The following PPP6R1 variants were observed in gnomAD, a reference collection of about 807,000 sequenced individuals.
The protein encoded by PPP6R1 is serine/threonine-protein phosphatase 6 regulatory subunit 1.
A neutral mutation model predicts 104.6 loss-of-function variants in PPP6R1; 39 were observed. The observed-to-expected ratio is 0.37, with a 90% CI of 0.29 to 0.49. The LOEUF (loss-of-function observed/expected upper bound fraction) is 0.49. PPP6R1 is among the 20% of genes least tolerant of loss of function. PPP6R1 has a pLI of 0.98. For missense variants in PPP6R1, 1,181 were observed against 1,155.8 expected (o/e 1.02, Z -0.32); for synonymous variants, 549 against 479.0 (o/e 1.15, Z -1.91).
At chr19:55,242,747 C>T in intron 5 of PPP6R1, 1 of 481,424 alleles carries the variant, frequency 2.1e-6, no homozygotes, top group Non-Finnish European at 3.8e-6. Flanking sequence ...GGGCTGGCAG[C>T]ACCGCCCACA....
intron 15 of PPP6R1, among the ~76,000 whole-genome samples, chr19:55,237,468 C>A (rs1236940185): frequency 1.3e-5 from 2 of 152,190 alleles, no homozygotes; most frequent in Non-Finnish European, 2.9e-5. Flanking sequence ...AGAATCACGT[C>A]AAAACTTAAA....
chr19:55,231,203 G>A (rs938233525), intron 21 of PPP6R1, among the ~76,000 whole-genome samples: 5 of 152,064 alleles, frequency 3.3e-5, no homozygotes, highest in Admixed American at 2.0e-4. Flanking sequence ...CCCAACCCTG[G>A]GGCTCAAGGG....
At chr19:55,235,103 T>C (rs2122550783) in intron 17 of PPP6R1, among the ~76,000 whole-genome samples, 1 of 152,204 alleles carries the variant, frequency 6.6e-6, no homozygotes, top group Non-Finnish European at 1.5e-5. Flanking sequence ...TCAAAAGTCA[T>C]GAGTCAAAAA....
intron 17 of PPP6R1, chr19:55,236,363 C>A: frequency 2.4e-6 from 1 of 412,874 alleles, no homozygotes; most frequent in Non-Finnish European, 4.3e-6. Flanking sequence ...CTATGTTGCC[C>A]AGGGCTGGTC....
chr19:55,252,161 C>T (rs915889099), intron 1 of PPP6R1, among the ~76,000 whole-genome samples: 14 of 152,218 alleles, frequency 9.2e-5, no homozygotes, highest in African/African-American at 3.4e-4. Context: ...AAAAAAGTTC[C>T]AAAATCAATT....
chr19:55,248,426 T>G (rs2087527993), intron 1 of PPP6R1, among the ~76,000 whole-genome samples: 1 of 152,228 alleles, frequency 6.6e-6, no homozygotes, highest in African/African-American at 2.4e-5. Context: ...ACCTGCCTCC[T>G]GACAACCGCA....
chr19:55,242,353 C>T (rs2087466529), intron 6 of PPP6R1, 23 bp downstream of exon 6: 2 of 1,612,520 alleles, frequency 1.2e-6, no homozygotes, highest in Admixed American at 3.3e-5. Flanking sequence ...TCCCCCCAGC[C>T]TTAGCCTTGC....
chr19:55,237,520 A>G lies in PPP6R1; in HGVS notation c.1752-550T>C, dbSNP rs541716618. Among the ~76,000 whole-genome samples the G allele has an allele frequency of 2.4e-4, 36 of 152,344 alleles. No homozygotes were observed. The South Asian group carries it at 4.6e-3, about 19-fold the overall frequency. On this transcript the variant is annotated intron_variant, in intron 15 of 23. Transcript: ENST00000412770. ...CCCACCTCCCTCACCACGAGGGTCT[A>G]ATGATCAGGGTCCACATTCTGTCCC... is the stretch of plus-strand genomic sequence containing the variant.
rs200837758 is a variant in PPP6R1 at position 55,230,486 on chromosome 19, C to T, written c.*42G>A. 211 of 1,612,134 alleles carry T rather than the reference C, an allele frequency of 1.3e-4. 3 individuals carry two copies. The East Asian group carries it at 2.0e-3, about 15-fold the overall frequency. On this transcript the variant is annotated 3_prime_UTR_variant, in exon 24 of 24. Transcript: ENST00000412770. ...CCCTGCCCCCACCCCGGGAGATCCA[C>T]GGGAGGACGGAAGATTTGGCCGCCG...
Position 55,230,603 on chromosome 19 carries a change from C to G in PPP6R1, c.2642+10G>C. The G allele has an allele frequency of 1.2e-6, 2 of 1,612,656 alleles. No individual in the cohort carries two copies. Among genetic ancestry groups the G allele is most frequent in the Non-Finnish European group, 8.5e-7 (1 of 1,179,314 alleles). ...CCACCTACCCAGCCCGAGGCTGCAG[C>G]CACACTCACTGGGAGCCTGGGGATG... is the stretch of plus-strand genomic sequence containing the variant. On this transcript the variant is annotated intron_variant, in intron 23 of 23. Coordinates refer to ENST00000412770, the MANE Select transcript of PPP6R1 (RefSeq NM_014931.4).
In PPP6R1 at chr19:55,230,829, G is replaced by T. The variant is rs762645397; in HGVS notation, c.2515C>A (p.Gln839Lys). The T allele has an allele frequency of 8.7e-6, 14 of 1,604,088 alleles. No homozygotes were observed. The highest frequency in any genetic ancestry group is 2.7e-5 in the African/African-American group (2 of 74,534). Reference sequence around the variant, plus strand: ...GGGCTCTTCTCCCCTTCTGTGGTCTGGGGGGGCTGGTGGGCCCCGGAGGCT... The same window carrying T: ...GGGCTCTTCTCCCCTTCTGTGGTCTTGGGGGGCTGGTGGGCCCCGGAGGCT... ...VPASGAHQPP[Q>K]TTEGEKSPEP... The change falls in exon 22 of 24, where the codon CAG becomes AAG. Residue 839 changes from glutamine to lysine, a missense_variant. Physicochemically the swap from Gln to Lys is moderately conservative, Grantham distance 53. Around this residue, in one of 2 missense-constraint regions of PPP6R1, gnomAD observed 1,042 missense variants for 955.6 expected, o/e 1.09. Coordinates refer to ENST00000412770, the MANE Select transcript of PPP6R1 (RefSeq NM_014931.4).
intron 1 of PPP6R1, among the ~76,000 whole-genome samples, chr19:55,247,843 C>G (rs147191265): frequency 6.6e-6 from 1 of 152,222 alleles, no homozygotes; most frequent in African/African-American, 2.4e-5. Context: ...AAGGGAGGGG[C>G]TCCCAGAATA....
In PPP6R1 at chr19:55,230,700, G is replaced by A. The variant is rs767888277; in HGVS notation, c.2571-16C>T. 3.2e-6 allele frequency: 5 copies of A among 1,567,278 alleles called. No homozygotes were observed. The highest frequency in any genetic ancestry group is 2.7e-5 in the African/African-American group (2 of 74,056). On this transcript the variant is annotated splice_polypyrimidine_tract_variant and intron_variant, in intron 22 of 23. Transcript: ENST00000412770. ...GGCCTGGGCACTGTCAGGGGAGAGA[G>A]GGGATGTGCAGAGGTCACTTCCTGC...
Position 55,240,098 on chromosome 19 carries a change from G to A in PPP6R1, c.1378C>T (p.Arg460Trp). ...NDRVQCAGGP[R>W]KGYMGHLTRV... Reference sequence around the variant, plus strand: ...GTCAGGTGACCCATGTAGCCTTTCCGAGGGCCTCCCGCACACCTGGCAAGA... The same window carrying A: ...GTCAGGTGACCCATGTAGCCTTTCCAAGGGCCTCCCGCACACCTGGCAAGA... The change falls in exon 12 of 24, where the codon CGG (arginine) becomes TGG (tryptophan). Residue 460 changes from arginine to tryptophan, a missense_variant. Around this residue, in one of 2 missense-constraint regions of PPP6R1, gnomAD observed 1,042 missense variants for 955.6 expected, o/e 1.09. Transcript: ENST00000412770. The A allele has an allele frequency of 3.8e-6, 6 of 1,589,162 alleles. No homozygotes were observed. Among genetic ancestry groups the A allele is most frequent in the African/African-American group, 1.3e-5 (1 of 74,438 alleles).
downstream of PPP6R1, chr19:55,228,335 C>T (rs200141976): frequency 9.0e-5 from 145 of 1,613,750 alleles, no homozygotes; most frequent in Non-Finnish European, 1.7e-6. Flanking sequence ...AGGCACTTGA[C>T]CAGGGCAGCG....
At chr19:55,231,540 T>G in intron 20 of PPP6R1, 49 bp from the exon 21 acceptor site, 1 of 1,598,310 alleles carries the variant, frequency 6.3e-7, no homozygotes, top group Non-Finnish European at 8.5e-7. Flanking sequence ...AGCTCGGAGC[T>G]GGCCAGGCTG....
Position 55,241,603 on chromosome 19 carries a change from A to G in PPP6R1, c.882T>C (p.Ser294=). 6.3e-7 allele frequency: 1 copy of G among 1,586,834 alleles called. No homozygotes were observed. The highest frequency in any genetic ancestry group is 8.6e-7 in the Non-Finnish European group (1 of 1,167,804). The part of the protein sequence containing the change: ...ESVTVNSFFS[S]VDGQLELLAQ... Reference sequence around the variant, plus strand: ...CCAGGAGCTCCAGCTGCCCATCCACACTGCTGAAGAAGCTGTTCACGGTCA... The same window carrying G: ...CCAGGAGCTCCAGCTGCCCATCCACGCTGCTGAAGAAGCTGTTCACGGTCA... Residue 294 remains serine (S), a synonymous_variant, in exon 8 of 24, where the codon AGT becomes AGC. Coordinates refer to ENST00000412770, the MANE Select transcript of PPP6R1 (RefSeq NM_014931.4). This position sits in a 1 kb window ranked among gnomAD's most constrained non-coding sequence, Gnocchi z 5.4.
chr19:55,239,591 C>T lies in PPP6R1; in HGVS notation c.1653+3G>A, dbSNP rs918469488. The T allele has an allele frequency of 6.2e-7, 1 of 1,610,806 alleles. No individual in the cohort carries two copies. Among genetic ancestry groups the T allele is most frequent in the Non-Finnish European group, 8.5e-7 (1 of 1,178,470 alleles). On this transcript the variant is annotated splice_donor_region_variant and intron_variant, in intron 14 of 23. Transcript: ENST00000412770. Reference sequence around the variant, plus strand: ...GCACAGCCCCACATAGCCCCACGCCCACCTGCTGCAGCACAGCCTCCTCAG... The same window carrying T: ...GCACAGCCCCACATAGCCCCACGCCTACCTGCTGCAGCACAGCCTCCTCAG...
At chr19:55,234,119 G>C (rs2087373658) in intron 17 of PPP6R1, among the ~76,000 whole-genome samples, 1 of 152,096 alleles carries the variant, frequency 6.6e-6, no homozygotes, top group African/African-American at 2.4e-5. Context: ...GCTAATTTTT[G>C]TATTTTTAGT....
Sources: allele counts gnomAD v4.1 joint callset (sites outside exome capture counted in the v4.1 genomes callset), GRCh38; gene constraint gnomAD v4.1.1; regional missense constraint gnomAD v4.1.1; non-coding constraint Gnocchi (gnomAD v3.1); transcripts MANE v1.5; gene names NCBI Gene and HGNC (gene_info 2026-07-23, HGNC 2026-07-21).